Variants in RGS5 observed in about 807,000 individuals in gnomAD.
The protein encoded by RGS5 is regulator of G protein signaling 5.
In RGS5, 20 loss-of-function variants were observed where a neutral mutation model predicts 18.9. The ratio of observed to expected loss-of-function variants is 1.06; its 90% CI spans 0.74 to 1.54. The LOEUF is 1.54. Among genes scored for constraint, RGS5 ranks in the 40% most tolerant of loss-of-function variants. The pLI, the probability that RGS5 is intolerant of heterozygous loss-of-function variation, is 0.00. For synonymous variants in RGS5, 57 were observed against 76.2 expected (o/e 0.75, Z 1.31); for missense variants, 201 against 211.8 (o/e 0.95, Z 0.32).
upstream of RGS5, chr1:163,206,836 C>T (rs1659966385): frequency 6.6e-6 from 1 of 152,144 alleles, no homozygotes; most frequent in South Asian, 2.1e-4. Context: ...AGCACCCAGT[C>T]TCAGGTATTT....
At chr1:163,275,296 T>C (rs961438697) in intron 2 of RGS5, among the ~76,000 whole-genome samples, 1 of 151,506 alleles carries the variant, frequency 6.6e-6, no homozygotes, top group African/African-American at 2.5e-5. Context: ...GGACATTCAA[T>C]AAATCTTCTT....
At chr1:163,310,523 A>G (rs1419907693) in intron 1 of RGS5, among the ~76,000 whole-genome samples, 1 of 148,448 alleles carries the variant, frequency 6.7e-6, no homozygotes, top group Non-Finnish European at 1.5e-5. Flanking sequence ...TGCAGTGAGC[A>G]GAGATTGCGC....
chr1:163,194,466 AC>A, intron 1 of RGS5, among the ~76,000 whole-genome samples: 1 of 152,136 alleles, frequency 6.6e-6, no homozygotes, highest in Non-Finnish European at 1.5e-5. Flanking sequence ...AGTATAACAG[AC>A]CATATAATTG....
At chr1:163,224,771 T>C (rs958187982) in intron 2 of RGS5, among the ~76,000 whole-genome samples, 7 of 152,260 alleles carry the variant, frequency 4.6e-5, no homozygotes, top group Admixed American at 1.3e-4. Flanking sequence ...TGCTTTGATT[T>C]GCATTTCTCT....
At chr1:163,147,923 T>TC (rs1557878051) in intron 4 of RGS5, among the ~76,000 whole-genome samples, 2 of 132,670 alleles carry the variant, frequency 1.5e-5, no homozygotes, top group East Asian at 2.2e-4. Flanking sequence ...TTTTTCTTTT[T>TC]TTTTTTTTTT....
intron 3 of RGS5, among the ~76,000 whole-genome samples, chr1:163,158,019 C>G (rs961960226): frequency 4.6e-5 from 7 of 152,130 alleles, no homozygotes; most frequent in Non-Finnish European, 1.0e-4. Context: ...CCAAATGTAT[C>G]TTTCTTCATT....
At chr1:163,210,118 T>C (rs1660068285) in intron 1 of RGS5, among the ~76,000 whole-genome samples, 1 of 152,068 alleles carries the variant, frequency 6.6e-6, no homozygotes, top group Non-Finnish European at 1.5e-5. Context: ...ACTTCCCAAG[T>C]TCCTAGGACT....
chr1:163,188,938 C>T (rs554480272), intron 1 of RGS5, among the ~76,000 whole-genome samples: 104 of 118,364 alleles, frequency 8.8e-4, no homozygotes, highest in African/African-American at 3.1e-3. Context: ...GGCAACAGAG[C>T]GAGACCCCAT....
intron 2 of RGS5, among the ~76,000 whole-genome samples, chr1:163,166,052 G>A (rs1286312873): frequency 6.6e-6 from 1 of 152,118 alleles, no homozygotes; most frequent in Non-Finnish European, 1.5e-5. Flanking sequence ...AAGACTGAAA[G>A]CCATGAGTAC....
intron 2 of RGS5, among the ~76,000 whole-genome samples, chr1:163,167,269 C>T (rs536410203): frequency 5.8e-4 from 89 of 152,320 alleles, no homozygotes; most frequent in African/African-American, 2.1e-3. Context: ...TTTTACCACA[C>T]TTCTGTGATA....
intron 2 of RGS5, among the ~76,000 whole-genome samples, chr1:163,271,129 A>C (rs552542377): frequency 6.6e-6 from 1 of 152,138 alleles, no homozygotes; most frequent in South Asian, 2.1e-4. Flanking sequence ...TCTCCAATCA[A>C]GCACTTCTTT....
intron 1 of RGS5, among the ~76,000 whole-genome samples, chr1:163,183,137 CA>C (rs1658926788): frequency 6.6e-6 from 1 of 152,070 alleles, no homozygotes; most frequent in Non-Finnish European, 1.5e-5. Flanking sequence ...TTATCTTTGC[CA>C]GCTTTTTAAA....
At position 163,189,918 on chromosome 1, in the gene RGS5, C is replaced by G. The variant is rs1435062423; in HGVS notation, c.44+12874G>C. Among the ~76,000 whole-genome samples the G allele has an allele frequency of 2.6e-5, 4 of 152,208 alleles. No individual in the cohort carries two copies. The East Asian group carries it at 7.7e-4, about 29-fold the overall frequency. ...CAATGAAATTGAGAGAACAGAAAAA[C>G]TTGAGATTTGATAGAATTTGAAATT... On this transcript the variant is annotated intron_variant, in intron 1 of 4. Transcript: ENST00000313961.
At chr1:163,170,432 T>G (rs1658247920) in intron 1 of RGS5, among the ~76,000 whole-genome samples, 1 of 152,208 alleles carries the variant, frequency 6.6e-6, no homozygotes, top group African/African-American at 2.4e-5. Flanking sequence ...AACCAAAGTT[T>G]TAAAGAGATG....
chr1:163,282,047 GCACA>G (rs76600062), intron 2 of RGS5, among the ~76,000 whole-genome samples: 39 of 130,492 alleles, frequency 3.0e-4, no homozygotes, highest in South Asian at 2.5e-3. Context: ...GCACGCGCGC[GCACA>G]CACACACACA....
At chr1:163,277,897 C>T (rs1648896946) in intron 2 of RGS5, among the ~76,000 whole-genome samples, 1 of 151,958 alleles carries the variant, frequency 6.6e-6, no homozygotes, top group African/African-American at 2.4e-5. Flanking sequence ...TAATTGATAG[C>T]TTCAACAATA....
intron 2 of RGS5, among the ~76,000 whole-genome samples, chr1:163,247,482 C>G (rs933500371): frequency 7.4e-5 from 11 of 148,164 alleles, no homozygotes; most frequent in African/African-American, 2.7e-4. Flanking sequence ...ACAAATCCAG[C>G]TAAATTGCAT....
At chr1:163,272,047 T>C (rs1483122899) in intron 2 of RGS5, among the ~76,000 whole-genome samples, 2 of 151,984 alleles carry the variant, frequency 1.3e-5, no homozygotes, top group East Asian at 3.9e-4. Context: ...CCTCTCTCTC[T>C]CTTTTTCTTT....
rs1657093817 is a variant in RGS5 at position 163,145,469 on chromosome 1, T to G, written c.*1873A>C. On this transcript the variant is annotated 3_prime_UTR_variant, in exon 5 of 5. Transcript: ENST00000313961. ...GTTCTGGAAGTGCACCCTGGAAATT[T>G]TTATCTGAGTTCCTTGTCAATCCTA... 1 of 152,086 alleles carries G rather than the reference T, an allele frequency of 6.6e-6. No homozygotes were observed. Among genetic ancestry groups the G allele is most frequent in the South Asian group, 2.1e-4 (1 of 4,824 alleles). The allele number at this position is 152,086 out of a possible 1,614,324, so 9.4% of individuals were successfully genotyped here. A position where few individuals can be genotyped will look rare whatever the true frequency, so the allele number is the denominator to read the frequency against.
Sources: allele counts gnomAD v4.1 joint callset (sites outside exome capture counted in the v4.1 genomes callset), GRCh38; gene constraint gnomAD v4.1.1; transcripts MANE v1.5; gene names NCBI Gene and HGNC (gene_info 2026-07-23, HGNC 2026-07-21).